Variants in CAPZB observed in about 807,000 individuals in gnomAD.
CAPZB encodes F-actin-capping protein subunit beta.
In CAPZB, 2 loss-of-function variants were observed where a neutral mutation model predicts 38.1. That is an observed-to-expected ratio of 0.05 (90% CI 0.02 to 0.17). The LOEUF is 0.17. Among genes scored for constraint, CAPZB ranks in the 10% least tolerant of loss-of-function variants. CAPZB has a pLI of 1.00. For missense variants in CAPZB, 161 were observed against 334.2 expected (o/e 0.48, Z 4.04); for synonymous variants, 107 against 127.4 (o/e 0.84, Z 1.08).
chr1:19,460,072 G>A (rs763394043), intron 1 of CAPZB, among the ~76,000 whole-genome samples: 22 of 151,370 alleles, frequency 1.5e-4, no homozygotes, highest in Non-Finnish European at 2.8e-4. Context: ...AATAAGGAAC[G>A]AAAAAAAACT....
At chr1:19,346,453 A>T (rs1004768276) in intron 6 of CAPZB, among the ~76,000 whole-genome samples, 9 of 56,258 alleles carry the variant, frequency 1.6e-4, no homozygotes, top group South Asian at 1.1e-3. Context: ...GAGAGAAGCT[A>T]AAAAAAAAAA....
intron 2 of CAPZB, among the ~76,000 whole-genome samples, chr1:19,416,666 C>T (rs2094380543): frequency 6.6e-6 from 1 of 151,836 alleles, no homozygotes; most frequent in Non-Finnish European, 1.5e-5. Flanking sequence ...GCCTGGGCAA[C>T]ATAGGGAGAA....
intron 1 of CAPZB, among the ~76,000 whole-genome samples, chr1:19,429,594 G>A (rs945379448): frequency 7.9e-5 from 12 of 152,170 alleles, no homozygotes; most frequent in African/African-American, 2.9e-4. Context: ...GGCCATAAGG[G>A]CACCGCCCAC....
chr1:19,339,903 G>C (rs2093918790), intron 8 of CAPZB, among the ~76,000 whole-genome samples: 1 of 152,226 alleles, frequency 6.6e-6, no homozygotes, highest in Non-Finnish European at 1.5e-5. Flanking sequence ...CCCGGCCATA[G>C]TCCCTAGAAC....
Position 19,363,259 on chromosome 1 carries a change from AAT to A in CAPZB, c.330-5698_330-5697del, listed in dbSNP as rs1491194764. 6.0e-3 allele frequency among the ~76,000 whole-genome samples: 504 copies of A among 83,602 alleles called. 1 individual carries two copies. Among genetic ancestry groups the A allele is most frequent in the African/African-American group, 0.016 (441 of 26,988 alleles). 54.8% of individuals were successfully genotyped at this position (83,602 alleles called of 152,430 possible). ...ACCATGCATGGCTAATTAAAAAAAA[AAT>A]TTTTTTTTTTTTTTTTTTAGAGACA... On this transcript the variant is annotated intron_variant, in intron 4 of 8. Transcript: ENST00000264202.
chr1:19,423,647 C>G (rs902919254), intron 1 of CAPZB, among the ~76,000 whole-genome samples: 52 of 151,206 alleles, frequency 3.4e-4, no homozygotes, highest in African/African-American at 1.2e-3. Flanking sequence ...ATCTCAGCCT[C>G]CTAAGTAGCT....
chr1:19,345,305 C>A, intron 6 of CAPZB, 53 bp from the exon 7 acceptor site: 1 of 1,415,248 alleles, frequency 7.1e-7, no homozygotes, highest in African/African-American at 1.4e-5. Context: ...TTTCTGAGAA[C>A]GGCAGACAGC....
chr1:19,444,305 C>G (rs984140721), intron 1 of CAPZB, among the ~76,000 whole-genome samples: 3 of 152,210 alleles, frequency 2.0e-5, no homozygotes, highest in African/African-American at 7.2e-5. Flanking sequence ...CTCCATCAGT[C>G]TGCAACACCC....
At position 19,339,382 on chromosome 1, in the gene CAPZB, A is replaced by T; in HGVS notation, c.*148T>A. 1.4e-6 allele frequency: 1 copy of T among 703,474 alleles called. No individual in the cohort carries two copies. Among genetic ancestry groups the T allele is most frequent in the South Asian group, 1.6e-5 (1 of 60,784 alleles). 43.6% of individuals were successfully genotyped at this position (703,474 alleles called of 1,614,324 possible). Reference sequence around the variant, plus strand: ...GAGGGTGGCTATCGGCTTTATTCTCAGGGAGAGATGGCGCTGTGCGGTCAA... The same window carrying T: ...GAGGGTGGCTATCGGCTTTATTCTCTGGGAGAGATGGCGCTGTGCGGTCAA... On this transcript the variant is annotated 3_prime_UTR_variant, in exon 9 of 9. Transcript: ENST00000264202.
At chr1:19,484,044 G>T in intron 1 of CAPZB, 2 of 773,786 alleles carry the variant, frequency 2.6e-6, no homozygotes, top group South Asian at 3.6e-5. Context: ...CTGTCCTGCA[G>T]AAGGGTCAAG....
At chr1:19,443,911 T>C (rs1363624426) in intron 1 of CAPZB, among the ~76,000 whole-genome samples, 1 of 152,182 alleles carries the variant, frequency 6.6e-6, no homozygotes, top group Non-Finnish European at 1.5e-5. Flanking sequence ...GAATGAAATA[T>C]CTGGTGGGTT....
chr1:19,397,056 A>G (rs2094275168), intron 2 of CAPZB, among the ~76,000 whole-genome samples: 1 of 151,076 alleles, frequency 6.6e-6, no homozygotes, highest in Non-Finnish European at 1.5e-5. Context: ...TAACTCATAT[A>G]TAAGTTGATT....
chr1:19,464,715 G>A (rs2094563655), intron 1 of CAPZB, among the ~76,000 whole-genome samples: 1 of 152,136 alleles, frequency 6.6e-6, no homozygotes, highest in Non-Finnish European at 1.5e-5. Flanking sequence ...TCTACAGCAA[G>A]AAAAGGAAAT....
chr1:19,342,718 G>T, intron 8 of CAPZB: 1 of 1,366,358 alleles, frequency 7.3e-7, no homozygotes, highest in Non-Finnish European at 1.0e-6. Flanking sequence ...TCCTGTTTTA[G>T]TGGGGAGGGT....
At chr1:19,423,546 A>G (rs2094410061) in intron 1 of CAPZB, among the ~76,000 whole-genome samples, 2 of 134,186 alleles carry the variant, frequency 1.5e-5, no homozygotes, top group South Asian at 4.9e-4. Context: ...TTTTTTAAAG[A>G]TAGGCTCTCA....
intron 1 of CAPZB, among the ~76,000 whole-genome samples, chr1:19,450,506 T>A (rs2094512608): frequency 6.6e-6 from 1 of 152,194 alleles, no homozygotes; most frequent in African/African-American, 2.4e-5. Flanking sequence ...ATGTAAAATG[T>A]GTCAACTCAA....
intron 1 of CAPZB, among the ~76,000 whole-genome samples, chr1:19,454,887 T>G (rs894037121): frequency 2.0e-5 from 3 of 152,230 alleles, no homozygotes; most frequent in African/African-American, 7.2e-5. Context: ...AGCATGAAAG[T>G]GCCTCTGCTG....
chr1:19,342,733 C>T (rs759266872), intron 8 of CAPZB: 28 of 1,510,726 alleles, frequency 1.9e-5, no homozygotes, highest in East Asian at 6.8e-5. Context: ...GAGGGTCTCG[C>T]GGCTCTCAGG....
chr1:19,385,211 C>A (rs2094197336), intron 3 of CAPZB, among the ~76,000 whole-genome samples: 1 of 152,188 alleles, frequency 6.6e-6, no homozygotes, highest in African/African-American at 2.4e-5. Flanking sequence ...ACATCCCTCT[C>A]CCGTTAGACT....
Sources: gnomAD v4.1 joint callset for allele counts (sites outside exome capture counted in the v4.1 genomes callset) on GRCh38, gnomAD v4.1.1 for gene constraint, MANE v1.5 for transcripts, NCBI Gene and HGNC (gene_info 2026-07-23, HGNC 2026-07-21) for gene names.